Variants in TBL1Y observed in about 807,000 individuals in gnomAD.
TBL1Y encodes F-box-like/WD repeat-containing protein TBL1Y.
TBL1Y carries 15 observed loss-of-function variants against 12.0 expected under a neutral mutation model. That is an observed-to-expected ratio of 1.25 (90% CI 0.83 to 1.92). The LOEUF is 1.92. Among genes scored for constraint, TBL1Y ranks in the 40% most tolerant of loss-of-function variants. The probability of loss-of-function intolerance (pLI) is 0.00; values close to 1 mark genes in which losing one functional copy is unlikely to be tolerated. For synonymous variants in TBL1Y, 53 were observed against 42.6 expected (o/e 1.24, Z -0.95); for missense variants, 148 against 116.7 (o/e 1.27, Z -1.24).
At chrY:7,044,640 T>A in intron 7 of TBL1Y, among the ~76,000 whole-genome samples, 1 of 33,076 alleles carries the variant, frequency 3.0e-5, no homozygotes, top group African/African-American at 1.2e-4. Flanking sequence ...TTCTTTCCTT[T>A]TTTTGTGGGG....
intron 8 of TBL1Y, among the ~76,000 whole-genome samples, chrY:7,069,862 C>T (rs2013010647): frequency 3.1e-5 from 1 of 32,440 alleles, no homozygotes; most frequent in Non-Finnish European, 7.5e-5. Context: ...TTTGTAGAAA[C>T]GGGGTCCTGC....
chrY:7,057,383 T>G (rs1483949628), intron 7 of TBL1Y, among the ~76,000 whole-genome samples: 2 of 33,425 alleles, frequency 6.0e-5, no homozygotes, highest in Non-Finnish European at 1.5e-4. Flanking sequence ...TTCTCTAACT[T>G]TTTTTTAAAC....
chrY:6,997,862 A>C, intron 4 of TBL1Y, among the ~76,000 whole-genome samples: 1 of 34,143 alleles, frequency 2.9e-5, no homozygotes, highest in Non-Finnish European at 7.3e-5. Flanking sequence ...TGTGTAACAA[A>C]TAACCCCAAA....
chrY:7,043,427 G>A, intron 7 of TBL1Y, among the ~76,000 whole-genome samples: 2 of 31,074 alleles, frequency 6.4e-5, no homozygotes, highest in Admixed American at 3.1e-4. Context: ...AATCTGAGCC[G>A]AGAGAATGAT....
intron 6 of TBL1Y, among the ~76,000 whole-genome samples, chrY:7,026,706 C>T: frequency 3.0e-5 from 1 of 33,713 alleles, no homozygotes; most frequent in African/African-American, 1.2e-4. Context: ...AGATCGTCTT[C>T]CTTATTCAGT....
At chrY:6,964,326 A>G (rs1603031060) in intron 2 of TBL1Y, among the ~76,000 whole-genome samples, 2 of 34,122 alleles carry the variant, frequency 5.9e-5, no homozygotes, top group South Asian at 1.3e-3. Flanking sequence ...GAGCTGCAGC[A>G]TGCAACCTTG....
chrY:7,088,383 C>G (rs938339210), intron 17 of TBL1Y, among the ~76,000 whole-genome samples: 3 of 32,327 alleles, frequency 9.3e-5, no homozygotes, highest in Non-Finnish European at 2.3e-4. Context: ...TTCATTCCCC[C>G]TGTGTACTCA....
chrY:7,081,469 A>T, intron 14 of TBL1Y, among the ~76,000 whole-genome samples: 1 of 34,139 alleles, frequency 2.9e-5, no homozygotes, highest in Non-Finnish European at 7.3e-5. Context: ...TTAATTTTTT[A>T]AAAAAGGAAA....
chrY:7,039,597 C>G, intron 6 of TBL1Y, among the ~76,000 whole-genome samples: 1 of 33,434 alleles, frequency 3.0e-5, no homozygotes, highest in Non-Finnish European at 7.4e-5. Context: ...AACAAACATC[C>G]AGAACATGGC....
At chrY:6,939,661 CT>C (rs2011932194) in intron 2 of TBL1Y, among the ~76,000 whole-genome samples, 3 of 21,340 alleles carry the variant, frequency 1.4e-4, no homozygotes, top group Admixed American at 4.3e-4. Context: ...TTTTTTGTCT[CT>C]TTTTTTTTTT....
chrY:7,037,350 A>G (rs1026506017), intron 6 of TBL1Y, among the ~76,000 whole-genome samples: 3 of 34,189 alleles, frequency 8.8e-5, no homozygotes, highest in Non-Finnish European at 2.2e-4. Context: ...TATCAAAGGT[A>G]CATCCTCCTG....
At chrY:7,062,668 C>T (rs1603046121) in intron 7 of TBL1Y, among the ~76,000 whole-genome samples, 3 of 32,905 alleles carry the variant, frequency 9.1e-5, no homozygotes, top group South Asian at 7.1e-4. Flanking sequence ...GCTCAATTTC[C>T]GCTAGTGGAA....
intron 2 of TBL1Y, among the ~76,000 whole-genome samples, chrY:6,923,454 C>T: frequency 2.9e-5 from 1 of 33,965 alleles, no homozygotes; most frequent in East Asian, 7.7e-4. Flanking sequence ...AAGAAGTTTA[C>T]GTATATATGT....
chrY:6,993,033 A>G, intron 3 of TBL1Y, among the ~76,000 whole-genome samples: 1 of 33,277 alleles, frequency 3.0e-5, no homozygotes, highest in Non-Finnish European at 7.4e-5. Context: ...GGAGATTAGG[A>G]GCACAGTGAT....
chrY:7,043,323 C>A, intron 7 of TBL1Y, among the ~76,000 whole-genome samples, 198 bp downstream of exon 7: 1 of 31,560 alleles, frequency 3.2e-5, no homozygotes. Context: ...GAGTCTGAGA[C>A]CAACTGGACA....
intron 4 of TBL1Y, among the ~76,000 whole-genome samples, chrY:7,019,601 A>G: frequency 5.9e-5 from 2 of 33,739 alleles, no homozygotes; most frequent in Non-Finnish European, 1.5e-4. Context: ...TAATGTTTTA[A>G]TTTACAAGCA....
chrY:6,986,473 G>T (rs956106416), intron 3 of TBL1Y, among the ~76,000 whole-genome samples: 7 of 33,690 alleles, frequency 2.1e-4, no homozygotes, highest in Non-Finnish European at 2.9e-4. Context: ...GGTGAAGTGA[G>T]CTCTGATCAC....
At chrY:6,987,774 A>C (rs771771987) in intron 3 of TBL1Y, among the ~76,000 whole-genome samples, 8 of 33,035 alleles carry the variant, frequency 2.4e-4, no homozygotes, top group Admixed American at 5.5e-4. Flanking sequence ...GGACGTACCC[A>C]GGTCGATTTC....
At chrY:6,970,281 C>T in intron 2 of TBL1Y, among the ~76,000 whole-genome samples, 1 of 33,087 alleles carries the variant, frequency 3.0e-5, no homozygotes, top group African/African-American at 1.2e-4. Flanking sequence ...ACATTAAGTA[C>T]ACTTATTTAT....
Sources: allele counts gnomAD v4.1 joint callset (sites outside exome capture counted in the v4.1 genomes callset), GRCh38; gene constraint gnomAD v4.1.1; transcripts MANE v1.5; gene names NCBI Gene and HGNC (gene_info 2026-07-23, HGNC 2026-07-21).